NDC1: variants seen among roughly 807,000 people sequenced by gnomAD.
NDC1 encodes the protein NDC1 transmembrane nucleoporin, also known as nucleoporin NDC1.
In NDC1, 24 loss-of-function variants were observed where a neutral mutation model predicts 89.8. The observed-to-expected ratio is 0.27, with a 90% CI of 0.19 to 0.38. The LOEUF (loss-of-function observed/expected upper bound fraction) is 0.38, where lower values mean the gene tolerates loss of function less well. NDC1 is among the 10% of genes least tolerant of loss of function. NDC1 has a pLI of 1.00. For missense variants in NDC1, 728 were observed against 797.6 expected, an observed-to-expected ratio of 0.91 and a Z score of 1.05; for synonymous variants, 296 against 284.8, an observed-to-expected ratio of 1.04 and a Z score of -0.39.
In NDC1 at chr1:53,788,029, G is replaced by GTTAAAAACAATCT. The variant is rs569538957; in HGVS notation, c.1700-784_1700-772dup. Reference sequence around the variant, plus strand: ...TCATATTTAACATAAGTTAACATAAGTTAAAAACAATCTATCTGTTGCACT... The same window carrying GTTAAAAACAATCT: ...TCATATTTAACATAAGTTAACATAAGTTAAAAACAATCTTTAAAAACAATCTATCTGTTGCACT... On this transcript the variant is annotated intron_variant, in intron 15 of 17. Coordinates refer to ENST00000371429, the MANE Select transcript of NDC1 (RefSeq NM_018087.5). Among the ~76,000 whole-genome samples, 618 of 152,240 alleles carry GTTAAAAACAATCT rather than the reference G, an allele frequency of 4.1e-3. 4 individuals carry two copies. Among genetic ancestry groups the GTTAAAAACAATCT allele is most frequent in the African/African-American group, 0.014 (585 of 41,542 alleles).
Position 53,825,778 on chromosome 1 carries a change from T to C in NDC1, c.594+20A>G, listed in dbSNP as rs765454605. 6.4e-7 allele frequency: 1 copy of C among 1,556,906 alleles called. No homozygotes were observed. The highest frequency in any genetic ancestry group is 8.6e-7 in the Non-Finnish European group (1 of 1,158,980). On this transcript the variant is annotated intron_variant, in intron 5 of 17. Transcript: ENST00000371429. ...ACCTCAGCCAAATTTTGACATCAAG[T>C]AATGCTCAAATGATCTTACCTGTAT...
rs557945965 is a variant in NDC1, at chr1:53,778,776, G to A, written c.1801-6287C>T. Among the ~76,000 whole-genome samples the A allele has an allele frequency of 7.8e-4, 119 of 152,244 alleles. No individual in the cohort carries two copies. The Middle Eastern group carries it at 0.01, about 13-fold the overall frequency. Reference sequence around the variant, plus strand: ...TGACACTATGTCTGCTAGATTGCTTGCTAACAGTATTGACAGCAATACTTT... The same window carrying A: ...TGACACTATGTCTGCTAGATTGCTTACTAACAGTATTGACAGCAATACTTT... On this transcript the variant is annotated intron_variant, in intron 16 of 17. Transcript: ENST00000371429.
chr1:53,834,746 T>A (rs1168456902), intron 2 of NDC1, among the ~76,000 whole-genome samples: 1 of 152,152 alleles, frequency 6.6e-6, no homozygotes, highest in East Asian at 1.9e-4. Context: ...CAATAATGGG[T>A]AGTTATTAAC....
intron 9 of NDC1, 95 bp from the exon 10 acceptor site, chr1:53,804,104 T>C: frequency 1.1e-6 from 1 of 871,172 alleles, no homozygotes; most frequent in South Asian, 1.7e-5. Context: ...CAAGAGGAAA[T>C]TAATTAAACT....
At position 53,807,804 on chromosome 1, in the gene NDC1, AAATTACT is replaced by A; in HGVS notation, c.756-20_756-14del. On this transcript the variant is annotated splice_polypyrimidine_tract_variant and intron_variant, in intron 7 of 17. Coordinates refer to ENST00000371429, the MANE Select transcript of NDC1 (RefSeq NM_018087.5). The stretch of plus-strand genomic sequence containing the variant: ...CCTATGAACCTGCCTGTGAATGCAG[AAATTACT>A]ATTAATCCTCTAGGAAAAATGCAAT... The A allele has an allele frequency of 6.3e-7, 1 of 1,588,660 alleles. No individual in the cohort carries two copies. The highest frequency in any genetic ancestry group is 8.5e-7 in the Non-Finnish European group (1 of 1,173,234).
chr1:53,797,387 G>A (rs1647755790), intron 11 of NDC1, among the ~76,000 whole-genome samples: 1 of 151,866 alleles, frequency 6.6e-6, no homozygotes, highest in Admixed American at 6.6e-5. Flanking sequence ...CCCCCCCCAT[G>A]AATATCTTCA....
intron 13 of NDC1, among the ~76,000 whole-genome samples, chr1:53,794,100 CAAGT>C (rs1032890719): frequency 6.6e-6 from 1 of 152,040 alleles, no homozygotes; most frequent in African/African-American, 2.4e-5. Flanking sequence ...CTCAGCCTCC[CAAGT>C]AGCTAGGACT....
intron 5 of NDC1, among the ~76,000 whole-genome samples, chr1:53,825,460 A>AAAGAAG (rs1553150510): frequency 8.4e-5 from 12 of 142,126 alleles, no homozygotes; most frequent in African/African-American, 2.3e-4. Flanking sequence ...CTCCAAAAAA[A>AAAGAAG]AAGAAGCTAC....
At chr1:53,802,906 C>G (rs78103904) in intron 10 of NDC1, among the ~76,000 whole-genome samples, 2,577 of 152,160 alleles carry the variant, frequency 0.017, 74 homozygotes, top group African/African-American at 0.059. Flanking sequence ...AGTAGCATAG[C>G]AGAAGGAGGA....
chr1:53,801,938 G>A (rs899951079), intron 10 of NDC1, among the ~76,000 whole-genome samples: 20 of 152,078 alleles, frequency 1.3e-4, no homozygotes, highest in Admixed American at 1.2e-3. Context: ...TGTATTTTTA[G>A]TAGAGACAGG....
At chr1:53,814,765 G>A (rs1648422910) in intron 6 of NDC1, among the ~76,000 whole-genome samples, 1 of 152,104 alleles carries the variant, frequency 6.6e-6, no homozygotes, top group African/African-American at 2.4e-5. Context: ...AAACAAAACA[G>A]GAGATATTAC....
intron 1 of NDC1, among the ~76,000 whole-genome samples, chr1:53,836,384 T>TA (rs1232631816): frequency 1.7e-5 from 2 of 120,848 alleles, no homozygotes; most frequent in Admixed American, 9.3e-5. Context: ...CCTGTCTCTA[T>TA]AAAAAATTTT....
chr1:53,830,883 G>A (rs183547322), intron 3 of NDC1, among the ~76,000 whole-genome samples: 65 of 147,546 alleles, frequency 4.4e-4, no homozygotes, highest in African/African-American at 1.6e-3. Flanking sequence ...AATTCCTCCC[G>A]GTCTGAGTAT....
Position 53,806,503 on chromosome 1 carries a change from A to G in NDC1, c.906T>C (p.Pro302=). The G allele has an allele frequency of 6.6e-7, 1 of 1,516,524 alleles. No homozygotes were observed. Among genetic ancestry groups the G allele is most frequent in the Non-Finnish European group, 8.8e-7 (1 of 1,139,114 alleles). 93.9% of individuals were successfully genotyped at this position (1,516,524 alleles called of 1,614,324 possible). A position where few individuals can be genotyped will look rare whatever the true frequency, so the allele number is the denominator to read the frequency against. The change falls in exon 9 of 18, where the codon CCT becomes CCC. Residue 302 remains proline (P), a synonymous_variant. Coordinates refer to ENST00000371429, the MANE Select transcript of NDC1 (RefSeq NM_018087.5). ...KIYATEAHVF[P]VQPPFAEGSD... ...ACCCTTCTGCAAATGGTGGTTGAACAGGAAACACATGAGCCTATCAAATAA... is the reference window on the plus strand; with the variant it reads ...ACCCTTCTGCAAATGGTGGTTGAACGGGAAACACATGAGCCTATCAAATAA...
chr1:53,783,656 T>C (rs987987455), intron 16 of NDC1, among the ~76,000 whole-genome samples: 4 of 152,178 alleles, frequency 2.6e-5, no homozygotes, highest in African/African-American at 9.7e-5. Flanking sequence ...GGGAGGTGTT[T>C]AGGTCAGGAG....
At chr1:53,819,666 T>C (rs1322550859) in intron 5 of NDC1, among the ~76,000 whole-genome samples, 1 of 152,148 alleles carries the variant, frequency 6.6e-6, no homozygotes, top group African/African-American at 2.4e-5. Flanking sequence ...AAATGCTCTT[T>C]GCAAAAAAAT....
intron 16 of NDC1, among the ~76,000 whole-genome samples, chr1:53,772,815 T>C (rs1647128894): frequency 6.6e-6 from 1 of 152,002 alleles, no homozygotes; most frequent in South Asian, 2.1e-4. Context: ...AGATTTGAGA[T>C]AGATACAAAT....
intron 11 of NDC1, 121 bp from the exon 12 acceptor site, chr1:53,797,265 T>A: frequency 2.2e-6 from 2 of 893,402 alleles, no homozygotes; most frequent in Non-Finnish European, 3.4e-6. Context: ...GCTCAGTAGA[T>A]TGTTTCCATT....
chr1:53,782,543 C>A (rs1647221337), intron 16 of NDC1, among the ~76,000 whole-genome samples: 1 of 152,176 alleles, frequency 6.6e-6, no homozygotes, highest in Admixed American at 6.5e-5. Flanking sequence ...GGAAAAGGAA[C>A]TGGAAATCCT....
Sources: gnomAD v4.1 joint callset for allele counts (sites outside exome capture counted in the v4.1 genomes callset) on GRCh38, gnomAD v4.1.1 for gene constraint, MANE v1.5 for transcripts, NCBI Gene and HGNC (gene_info 2026-07-23, HGNC 2026-07-21) for gene names.